Variants in NXPE4 observed in about 807,000 individuals in gnomAD.
NXPE4 encodes NXPE family member 4.
NXPE4 carries 42 observed loss-of-function variants against 33.3 expected under a neutral mutation model. The ratio of observed to expected loss-of-function variants is 1.26; its 90% CI spans 0.98 to 1.63. The LOEUF is 1.63. Ranked by LOEUF, NXPE4 falls within the 40% of genes most tolerant of loss-of-function variation. The pLI is 0.00. For missense variants in NXPE4, 709 were observed against 647.6 expected (o/e 1.09, Z -1.03); for synonymous variants, 253 against 234.9 (o/e 1.08, Z -0.71).
At chr11:114,630,580 A>T in the NXPE4 span, among the ~76,000 whole-genome samples, 1 of 151,434 alleles carries the variant, frequency 6.6e-6, no homozygotes, top group Admixed American at 6.6e-5. Context: ...CCAGAAGAAA[A>T]CCTAGGCATT....
chr11:114,615,431 C>T, the NXPE4 span, among the ~76,000 whole-genome samples: 8 of 151,928 alleles, frequency 5.3e-5, no homozygotes, highest in African/African-American at 1.5e-4. Context: ...ATAAGTAATG[C>T]CTCATGGGTA....
the NXPE4 span, among the ~76,000 whole-genome samples, chr11:114,666,272 G>A: frequency 2.6e-5 from 4 of 152,100 alleles, no homozygotes; most frequent in African/African-American, 9.7e-5. Flanking sequence ...GCTCACAGCA[G>A]CATTTTCATT....
At chr11:114,616,682 G>A in the NXPE4 span, among the ~76,000 whole-genome samples, 283 of 151,730 alleles carry the variant, frequency 1.9e-3, 15 homozygotes, top group African/African-American at 6.5e-3. Flanking sequence ...TGGATAATAC[G>A]TGTTGCCTCG....
At chr11:114,653,779 C>T in the NXPE4 span, among the ~76,000 whole-genome samples, 1 of 152,006 alleles carries the variant, frequency 6.6e-6, no homozygotes, top group South Asian at 2.1e-4. Flanking sequence ...CTGCCCATCT[C>T]GGCCTCCCAA....
At chr11:114,631,228 G>A in the NXPE4 span, among the ~76,000 whole-genome samples, 17 of 152,004 alleles carry the variant, frequency 1.1e-4, no homozygotes, top group South Asian at 2.9e-3. Flanking sequence ...GCACACATAT[G>A]TTTATTGCGG....
intron 2 of NXPE4, chr11:114,583,462 T>C: frequency 4.5e-6 from 3 of 664,458 alleles, no homozygotes; most frequent in South Asian, 1.4e-5. Flanking sequence ...ACCACAGTGA[T>C]GACTACATTA....
the NXPE4 span, among the ~76,000 whole-genome samples, chr11:114,667,984 A>G: frequency 2.6e-5 from 4 of 152,060 alleles, no homozygotes; most frequent in South Asian, 6.2e-4. Context: ...CAAACAAAAA[A>G]TTGTGACAAG....
chr11:114,641,304 A>C, the NXPE4 span, among the ~76,000 whole-genome samples: 1 of 152,054 alleles, frequency 6.6e-6, no homozygotes, highest in Non-Finnish European at 1.5e-5. Context: ...GTAGTGTAAA[A>C]AATCCAGTGA....
At chr11:114,659,459 GA>G in the NXPE4 span, among the ~76,000 whole-genome samples, 57 of 145,692 alleles carry the variant, frequency 3.9e-4, no homozygotes, top group East Asian at 5.6e-3. Context: ...AAAGAGTGAA[GA>G]AAAAAAAAAC....
the NXPE4 span, among the ~76,000 whole-genome samples, chr11:114,638,486 A>G: frequency 6.6e-6 from 1 of 152,020 alleles, no homozygotes; most frequent in Non-Finnish European, 1.5e-5. Context: ...TTCTCCGTCC[A>G]ACTTTGTTCC....
At chr11:114,589,933 C>G (rs1303170352) in intron 2 of NXPE4, among the ~76,000 whole-genome samples, 1 of 152,210 alleles carries the variant, frequency 6.6e-6, no homozygotes, top group Non-Finnish European at 1.5e-5. Flanking sequence ...CTATACCTTG[C>G]TAATCCAAAT....
At chr11:114,609,995 C>G in the NXPE4 span, among the ~76,000 whole-genome samples, 1 of 151,528 alleles carries the variant, frequency 6.6e-6, no homozygotes, top group Non-Finnish European at 1.5e-5. Context: ...CAGGTAACCA[C>G]TGTTACCTGG....
chr11:114,671,050 A>T, the NXPE4 span, among the ~76,000 whole-genome samples: 343 of 148,060 alleles, frequency 2.3e-3, 1 homozygote, highest in Admixed American at 8.5e-3. Flanking sequence ...TATATATATA[A>T]AAATATAAAT....
the NXPE4 span, among the ~76,000 whole-genome samples, chr11:114,637,446 G>A: frequency 3.3e-5 from 5 of 151,852 alleles, no homozygotes; most frequent in South Asian, 1.0e-3. Flanking sequence ...TTTAATTGGA[G>A]CATTTAGTCC....
the NXPE4 span, among the ~76,000 whole-genome samples, chr11:114,632,691 T>C: frequency 6.4e-5 from 5 of 77,538 alleles, no homozygotes; most frequent in African/African-American, 2.6e-4. Flanking sequence ...TATATAAATT[T>C]ATATATTTAT....
chr11:114,644,240 C>T, the NXPE4 span, among the ~76,000 whole-genome samples: 2 of 152,088 alleles, frequency 1.3e-5, no homozygotes, highest in African/African-American at 4.8e-5. Flanking sequence ...GTTCGAATAC[C>T]TTTATTTCTT....
At chr11:114,606,868 G>A in the NXPE4 span, among the ~76,000 whole-genome samples, 1 of 151,800 alleles carries the variant, frequency 6.6e-6, no homozygotes, top group Non-Finnish European at 1.5e-5. Context: ...GTTATGCAGT[G>A]GATAATAAGT....
the NXPE4 span, among the ~76,000 whole-genome samples, chr11:114,616,711 C>T: frequency 1.3e-5 from 2 of 151,660 alleles, no homozygotes; most frequent in African/African-American, 2.4e-5. Flanking sequence ...CACTGTTACC[C>T]AGTGTATAAT....
chr11:114,624,395 T>C, the NXPE4 span, among the ~76,000 whole-genome samples: 26 of 152,182 alleles, frequency 1.7e-4, no homozygotes, highest in East Asian at 4.1e-3. Flanking sequence ...ATGATAAGTA[T>C]TGCCTCATTG....
Sources: allele counts gnomAD v4.1 joint callset (sites outside exome capture counted in the v4.1 genomes callset), GRCh38; gene constraint gnomAD v4.1.1; transcripts MANE v1.5; gene names NCBI Gene and HGNC (gene_info 2026-07-23, HGNC 2026-07-21).